The following CACNA1D variants were observed in gnomAD, a reference collection of about 807,000 sequenced individuals.
CACNA1D encodes the protein voltage-dependent L-type calcium channel subunit alpha-1D.
A neutral mutation model predicts 257.1 loss-of-function variants in CACNA1D; 55 were observed. That is an observed-to-expected ratio of 0.21 (90% CI 0.17 to 0.27). CACNA1D has a LOEUF of 0.27. CACNA1D is among the 10% of genes least tolerant of loss of function. The pLI, the probability that CACNA1D is intolerant of heterozygous loss-of-function variation, is 1.00. For synonymous variants in CACNA1D, 980 were observed against 1,014.9 expected (o/e 0.97, Z 0.65); for missense variants, 1,876 against 2,784.0 (o/e 0.67, Z 7.34).
chr3:53,590,797 G>A (rs773935054), intron 3 of CACNA1D, among the ~76,000 whole-genome samples: 1 of 152,198 alleles, frequency 6.6e-6, no homozygotes, highest in African/African-American at 2.4e-5. Flanking sequence ...CGAGAGGATC[G>A]AGTGAGCGGG....
chr3:53,547,393 A>T (rs981379965), intron 3 of CACNA1D, among the ~76,000 whole-genome samples: 1 of 152,226 alleles, frequency 6.6e-6, no homozygotes, highest in African/African-American at 2.4e-5. Context: ...GACTTAAAAA[A>T]ATATTATGGC....
At chr3:53,581,387 A>G (rs2093130372) in intron 3 of CACNA1D, among the ~76,000 whole-genome samples, 2 of 152,224 alleles carry the variant, frequency 1.3e-5, no homozygotes, top group Non-Finnish European at 2.9e-5. Context: ...AACCACTGTT[A>G]ATCTTGTGGG....
intron 3 of CACNA1D, among the ~76,000 whole-genome samples, chr3:53,580,558 A>G (rs1186633765): frequency 3.3e-5 from 5 of 152,194 alleles, no homozygotes; most frequent in Non-Finnish European, 7.3e-5. Flanking sequence ...GAAGTAAGAG[A>G]CATTCACCAT....
At chr3:53,808,413 C>CA (rs373675018) in intron 45 of CACNA1D, 21,972 of 417,166 alleles carry the variant, frequency 0.053, 2 homozygotes, top group East Asian at 0.085. Flanking sequence ...GACTCCATCT[C>CA]AAAAAAAAAA....
intron 3 of CACNA1D, among the ~76,000 whole-genome samples, chr3:53,566,994 A>G (rs568867406): frequency 2.1e-4 from 32 of 152,186 alleles, no homozygotes; most frequent in Non-Finnish European, 4.0e-4. Context: ...ATCCTCCCCA[A>G]GGGGAGCAGC....
intron 3 of CACNA1D, among the ~76,000 whole-genome samples, chr3:53,593,096 G>T (rs1296773475): frequency 6.6e-6 from 1 of 152,186 alleles, no homozygotes; most frequent in Non-Finnish European, 1.5e-5. Flanking sequence ...CGGTCTGGGG[G>T]AGCTAAAGCA....
intron 19 of CACNA1D, among the ~76,000 whole-genome samples, chr3:53,733,996 A>G (rs1483133464): frequency 8.4e-6 from 1 of 119,018 alleles, no homozygotes. Context: ...ACATATACAT[A>G]TACATATATA....
intron 26 of CACNA1D, chr3:53,748,987 A>G (rs1190297021): frequency 3.8e-5 from 21 of 545,688 alleles, no homozygotes; most frequent in Non-Finnish European, 6.7e-5. Flanking sequence ...TTCCTCTCTG[A>G]ATAGAAAGGA....
At chr3:53,782,264 G>GTATATATATATATATATATA (rs1553680730) in intron 39 of CACNA1D, 100 of 75,438 alleles carry the variant, frequency 1.3e-3, no homozygotes, top group East Asian at 5.0e-3. Flanking sequence ...GTGTGTGTGT[G>GTATATATATATATATATATA]TATATATATA....
chr3:53,575,205 C>T (rs1275125936), intron 3 of CACNA1D, among the ~76,000 whole-genome samples: 1 of 152,150 alleles, frequency 6.6e-6, no homozygotes, highest in Admixed American at 6.5e-5. Context: ...AGCGTGATAC[C>T]CGATCTGTGC....
At chr3:53,706,274 C>T (rs138143500) in intron 9 of CACNA1D, among the ~76,000 whole-genome samples, 19 of 152,294 alleles carry the variant, frequency 1.2e-4, no homozygotes, top group Non-Finnish European at 2.4e-4. Flanking sequence ...TCCTGATAGC[C>T]GAGCCTCAGC....
In CACNA1D at chr3:53,577,715, A is replaced by G. The variant is rs564723552; in HGVS notation, c.484-73064A>G. Among the ~76,000 whole-genome samples, 7 of 152,164 alleles carry G rather than the reference A, an allele frequency of 4.6e-5. No homozygotes were observed. The East Asian group carries it at 1.4e-3, about 29-fold the overall frequency. On this transcript the variant is annotated intron_variant, in intron 3 of 47. Transcript: ENST00000350061. The stretch of plus-strand genomic sequence containing the variant: ...GAGATTACAACAGTGGCCGCCCTGG[A>G]GATGTGAGGGCTGTGAGGCAATGCA...
intron 3 of CACNA1D, among the ~76,000 whole-genome samples, chr3:53,646,658 C>T (rs1466994422): frequency 1.3e-5 from 2 of 152,166 alleles, no homozygotes; most frequent in African/African-American, 4.8e-5. Context: ...AGCCAGAAAG[C>T]CTTCCCAAAG....
intron 20 of CACNA1D, among the ~76,000 whole-genome samples, chr3:53,739,379 T>G (rs2095092042): frequency 6.6e-6 from 1 of 152,222 alleles, no homozygotes; most frequent in Non-Finnish European, 1.5e-5. Flanking sequence ...AACTCGCCTT[T>G]GCAGATAAGG....
intron 3 of CACNA1D, among the ~76,000 whole-genome samples, chr3:53,564,910 G>A (rs2092807153): frequency 6.6e-6 from 1 of 152,126 alleles, no homozygotes; most frequent in Admixed American, 6.5e-5. Flanking sequence ...ATTCTTATAT[G>A]TCCTCTGAAA....
intron 39 of CACNA1D, among the ~76,000 whole-genome samples, chr3:53,784,733 C>T (rs2095443698): frequency 6.6e-6 from 1 of 152,162 alleles, no homozygotes; most frequent in Non-Finnish European, 1.5e-5. Context: ...AGAGACTCTC[C>T]CTGGGGTCCC....
At chr3:53,757,700 C>A (rs1479709738) in intron 29 of CACNA1D, among the ~76,000 whole-genome samples, 2 of 152,226 alleles carry the variant, frequency 1.3e-5, no homozygotes, top group East Asian at 3.8e-4. Flanking sequence ...CCATTCCCTC[C>A]CTGCTATTTC....
intron 8 of CACNA1D, among the ~76,000 whole-genome samples, chr3:53,676,368 TA>T (rs977652279): frequency 4.6e-5 from 7 of 152,202 alleles, no homozygotes; most frequent in Admixed American, 3.9e-4. Flanking sequence ...AAATTATTAT[TA>T]TTTTTTTAAA....
rs1252087380 is a variant in CACNA1D, at chr3:53,751,010, G to A, written c.3517-739G>A. Among the ~76,000 whole-genome samples the A allele has an allele frequency of 4.6e-5, 7 of 151,074 alleles. No individual in the cohort carries two copies. The highest frequency in any genetic ancestry group is 1.9e-4 in the East Asian group (1 of 5,190). On this transcript the variant is annotated intron_variant, in intron 27 of 47. Coordinates refer to ENST00000350061, the MANE Select transcript of CACNA1D (RefSeq NM_001128840.3). The surrounding 1 kb of genome is among the most constrained non-coding windows in gnomAD (Gnocchi z 4.3). ...GTGCTCCAGCTGGGCCCTAAACTGC[G>A]TCCAATCAATCCAGCTGTCGCTACA...
Sources: gnomAD v4.1 joint callset for allele counts (sites outside exome capture counted in the v4.1 genomes callset) on GRCh38, gnomAD v4.1.1 for gene constraint, Gnocchi (gnomAD v3.1) non-coding constraint, MANE v1.5 for transcripts, NCBI Gene and HGNC (gene_info 2026-07-23, HGNC 2026-07-21) for gene names.